The following WNK1 variants were observed in gnomAD, a reference collection of about 807,000 sequenced individuals.
WNK1 encodes serine/threonine-protein kinase WNK1.
A neutral mutation model predicts 222.8 loss-of-function variants in WNK1; 38 were observed. The ratio of observed to expected loss-of-function variants is 0.17; its 90% CI spans 0.13 to 0.22. The LOEUF (loss-of-function observed/expected upper bound fraction) is 0.22. Ranked by LOEUF, WNK1 falls within the 10% of genes least tolerant of loss-of-function variation. The probability of loss-of-function intolerance (pLI) is 1.00; values close to 1 mark genes in which losing one functional copy is unlikely to be tolerated. For missense variants in WNK1, 2,348 were observed against 2,918.4 expected (o/e 0.80, Z 4.50); for synonymous variants, 1,090 against 1,092.9 (o/e 1.00, Z 0.05).
intron 9 of WNK1, among the ~76,000 whole-genome samples, chr12:873,230 T>C (rs771103320): frequency 6.6e-6 from 1 of 152,220 alleles, no homozygotes; most frequent in African/African-American, 2.4e-5. Context: ...TGTCTTGTAT[T>C]TGGGGATATG....
chr12:844,553 C>T (rs911500702), intron 4 of WNK1, among the ~76,000 whole-genome samples: 5 of 152,028 alleles, frequency 3.3e-5, no homozygotes, highest in Admixed American at 6.5e-5. Context: ...CTAAGGATGC[C>T]GCAGGTGGCA....
At chr12:799,187 A>G (rs1268388926) in intron 1 of WNK1, among the ~76,000 whole-genome samples, 1 of 151,976 alleles carries the variant, frequency 6.6e-6, no homozygotes, top group African/African-American at 2.4e-5. Context: ...GCAGTGGCGC[A>G]ATTTCAGCTT....
intron 1 of WNK1, among the ~76,000 whole-genome samples, chr12:811,177 C>A (rs888169072): frequency 2.0e-5 from 3 of 152,118 alleles, no homozygotes; most frequent in Non-Finnish European, 2.9e-5. Flanking sequence ...TTTAATGCTA[C>A]TTTTTGATAC....
chr12:886,024 T>C lies in WNK1; in HGVS notation c.5220T>C (p.Thr1740=), dbSNP rs2154084760. Reference sequence around the variant, plus strand: ...GGCAAGTTTCTACCCCAGTCAGCACTACTACATCAGGAGTGAAACCTGGAA... The same window carrying C: ...GGCAAGTTTCTACCCCAGTCAGCACCACTACATCAGGAGTGAAACCTGGAA... ...TPGQVSTPVS[T]TTSGVKPGTA... is the part of the protein sequence containing the mutation. Residue 1740 remains threonine, a synonymous_variant, in exon 19 of 28, where the codon ACT becomes ACC. Transcript: ENST00000315939. 4 of 1,598,586 alleles carry C rather than the reference T, an allele frequency of 2.5e-6. No individual in the cohort carries two copies. Among genetic ancestry groups the C allele is most frequent in the Non-Finnish European group, 3.4e-6 (4 of 1,174,910 alleles).
At chr12:816,643 A>G (rs570053127) in intron 2 of WNK1, among the ~76,000 whole-genome samples, 2 of 152,180 alleles carry the variant, frequency 1.3e-5, no homozygotes, top group East Asian at 1.9e-4. Context: ...AATTTGTACC[A>G]TCTACTTGGT....
rs756914631 is a variant in WNK1, at chr12:753,757, C to T, written c.192C>T (p.Asp64=). ...GCCGCCGCCACACTATGGACAAGGACAGCCGTGGGGCGGCCGCGACCACTA... is the reference window on the plus strand; with the variant it reads ...GCCGCCGCCACACTATGGACAAGGATAGCCGTGGGGCGGCCGCGACCACTA... ...YRRRRHTMDK[D]SRGAAATTTT... Residue 64 remains aspartate (D), a synonymous_variant, in exon 1 of 28, where the codon GAC becomes GAT. Transcript: ENST00000315939. This position sits in a 1 kb window ranked among gnomAD's most constrained non-coding sequence, Gnocchi z 5.2. 215 of 1,612,356 alleles carry T rather than the reference C, an allele frequency of 1.3e-4. No homozygotes were observed. The highest frequency in any genetic ancestry group is 9.9e-4 in the Middle Eastern group (6 of 6,060).
chr12:868,193 G>C lies in WNK1; in HGVS notation c.2140-3072G>C, dbSNP rs1592096494. 1.2e-6 allele frequency: 2 copies of C among 1,613,726 alleles called. No homozygotes were observed. The highest frequency in any genetic ancestry group is 8.5e-7 in the Non-Finnish European group (1 of 1,179,726). On this transcript the variant is annotated intron_variant, in intron 8 of 27. Coordinates refer to ENST00000315939, the MANE Select transcript of WNK1 (RefSeq NM_018979.4). Reference sequence around the variant, plus strand: ...TGAGATACAGGTCCATCCTATGTTTGAACCATCTCAAGTTTACAGTGACTA... The same window carrying C: ...TGAGATACAGGTCCATCCTATGTTTCAACCATCTCAAGTTTACAGTGACTA...
At chr12:898,736 G>T (rs145440140) in intron 25 of WNK1, among the ~76,000 whole-genome samples, 1 of 148,614 alleles carries the variant, frequency 6.7e-6, no homozygotes, top group Admixed American at 6.7e-5. Flanking sequence ...ACCATGCCCT[G>T]CTAACTTTGA....
At chr12:806,147 C>T (rs796330164) in intron 1 of WNK1, among the ~76,000 whole-genome samples, 25 of 152,182 alleles carry the variant, frequency 1.6e-4, no homozygotes, top group African/African-American at 5.5e-4. Flanking sequence ...TACAATATGT[C>T]GAGCCCTCAG....
chr12:841,102 A>G (rs921924300), intron 4 of WNK1, among the ~76,000 whole-genome samples: 4 of 152,310 alleles, frequency 2.6e-5, no homozygotes, highest in Admixed American at 6.5e-5. Context: ...ACTGAGACAA[A>G]AATCATATAT....
Position 881,650 on chromosome 12 carries a change from A to G in WNK1, c.3112-42A>G, listed in dbSNP as rs753632623. Reference sequence around the variant, plus strand: ...GATTATTGGGGATAGTGAATGATAAATCTATTACTACCGAGATTTGAGTTA... The same window carrying G: ...GATTATTGGGGATAGTGAATGATAAGTCTATTACTACCGAGATTTGAGTTA... On this transcript the variant is annotated intron_variant, in intron 12 of 27. Coordinates refer to ENST00000315939, the MANE Select transcript of WNK1 (RefSeq NM_018979.4). 10 of 1,496,816 alleles carry G rather than the reference A, an allele frequency of 6.7e-6. No homozygotes were observed. The South Asian group carries it at 1.1e-4, about 17-fold the overall frequency. The allele number at this position is 1,496,816 out of a possible 1,614,324, so 92.7% of individuals were successfully genotyped here. A position where few individuals can be genotyped will look rare whatever the true frequency, so the allele number is the denominator to read the frequency against.
At chr12:855,035 A>G (rs1321769644) in intron 4 of WNK1, among the ~76,000 whole-genome samples, 1 of 152,238 alleles carries the variant, frequency 6.6e-6, no homozygotes, top group Admixed American at 6.5e-5. Flanking sequence ...AGGAGGGCCA[A>G]CTGTGCTCAG....
At chr12:778,114 C>T (rs1027301955) in intron 1 of WNK1, among the ~76,000 whole-genome samples, 3 of 152,080 alleles carry the variant, frequency 2.0e-5, no homozygotes, top group African/African-American at 7.2e-5. Flanking sequence ...GCAATTTCAC[C>T]TTTTTGCTTA....
chr12:908,861 G>GGGGGGGGGGCCCC lies in WNK1; in HGVS notation c.*69_*70insGGGGGGGGGCCCC. On this transcript the variant is annotated 3_prime_UTR_variant, in exon 28 of 28. Transcript: ENST00000315939. ...ATGCTGAGGGGGTGGGTGGGGGTGGGAAGTAGCCTATATACTAACTACTAG... is the reference window on the plus strand; with the variant it reads ...ATGCTGAGGGGGTGGGTGGGGGTGGGGGGGGGGGGCCCCAAGTAGCCTATATACTAACTACTAG... 4.1e-6 allele frequency: 2 copies of GGGGGGGGGGCCCC among 491,840 alleles called. No homozygotes were observed. Among genetic ancestry groups the GGGGGGGGGGCCCC allele is most frequent in the East Asian group, 6.0e-5 (1 of 16,748 alleles). 30.5% of individuals were successfully genotyped at this position (491,840 alleles called of 1,614,324 possible).
At chr12:765,833 C>T (rs550564929) in intron 1 of WNK1, among the ~76,000 whole-genome samples, 1 of 152,118 alleles carries the variant, frequency 6.6e-6, no homozygotes, top group South Asian at 2.1e-4. Context: ...TAAAGTTCAT[C>T]CTTTTAAAGT....
chr12:816,715 G>A (rs552497716), intron 2 of WNK1, among the ~76,000 whole-genome samples: 3 of 152,194 alleles, frequency 2.0e-5, no homozygotes, highest in East Asian at 1.9e-4. Flanking sequence ...GAAAACTCCC[G>A]GGGACATTTT....
chr12:902,284 C>T (rs943288497), intron 26 of WNK1, among the ~76,000 whole-genome samples: 1 of 152,202 alleles, frequency 6.6e-6, no homozygotes, highest in Middle Eastern at 3.4e-3. Context: ...GCCTGAGCGA[C>T]AGAGTGAGAC....
intron 23 of WNK1, 47 bp downstream of exon 23, chr12:894,682 T>C: frequency 6.4e-7 from 1 of 1,557,040 alleles, no homozygotes; most frequent in East Asian, 2.2e-5. Flanking sequence ...TTTGGAGGAG[T>C]TGTCTATATA....
At chr12:906,442 T>C in intron 26 of WNK1, 1 of 985,368 alleles carries the variant, frequency 1.0e-6, no homozygotes, top group Non-Finnish European at 1.2e-6. Flanking sequence ...CTGCCTCAGC[T>C]GCATTTTCTT....
Sources: gnomAD v4.1 joint callset for allele counts (sites outside exome capture counted in the v4.1 genomes callset) on GRCh38, gnomAD v4.1.1 for gene constraint, Gnocchi (gnomAD v3.1) non-coding constraint, MANE v1.5 for transcripts, NCBI Gene and HGNC (gene_info 2026-07-23, HGNC 2026-07-21) for gene names.